The following ADAMTS17 variants were observed in gnomAD, a reference collection of about 807,000 sequenced individuals.
ADAMTS17 encodes the protein ADAM metallopeptidase with thrombospondin type 1 motif 17.
A neutral mutation model predicts 141.5 loss-of-function variants in ADAMTS17; 113 were observed. The ratio of observed to expected loss-of-function variants is 0.80; its 90% confidence interval spans 0.69 to 0.93. The LOEUF is 0.93. Among genes scored for constraint, ADAMTS17 ranks in the 40% least tolerant of loss-of-function variants. The pLI is 0.00. For missense variants in ADAMTS17, 1,659 were observed against 1,517.9 expected, an observed-to-expected ratio of 1.09 and a Z score of -1.54; for synonymous variants, 768 against 630.6, an observed-to-expected ratio of 1.22 and a Z score of -3.27.
intron 4 of ADAMTS17, among the ~76,000 whole-genome samples, chr15:100,275,457 G>C (rs1421696186): frequency 1.3e-5 from 2 of 152,222 alleles, no homozygotes. Flanking sequence ...TGAGAAGCCT[G>C]GCAAAGAAGC....
intron 3 of ADAMTS17, among the ~76,000 whole-genome samples, chr15:100,310,646 G>C (rs538398740): frequency 2.0e-5 from 3 of 152,300 alleles, no homozygotes; most frequent in Admixed American, 1.3e-4. Flanking sequence ...CTGGTCCCAG[G>C]TTGCATCCAC....
At chr15:100,012,755 A>G (rs1156518581) in intron 18 of ADAMTS17, among the ~76,000 whole-genome samples, 1 of 152,170 alleles carries the variant, frequency 6.6e-6, no homozygotes, top group African/African-American at 2.4e-5. Context: ...GCCTATTTTT[A>G]TACCAGTACC....
intron 7 of ADAMTS17, among the ~76,000 whole-genome samples, chr15:100,248,971 G>T (rs966362919): frequency 1.3e-5 from 2 of 152,058 alleles, no homozygotes; most frequent in Non-Finnish European, 2.9e-5. Context: ...GCTAATTTTT[G>T]TATTTTTAGT....
intron 8 of ADAMTS17, among the ~76,000 whole-genome samples, chr15:100,177,389 G>A (rs1428592364): frequency 6.6e-6 from 1 of 152,088 alleles, no homozygotes; most frequent in African/African-American, 2.4e-5. Context: ...TTCCAATGAA[G>A]TTTCTTCTCT....
intron 8 of ADAMTS17, among the ~76,000 whole-genome samples, chr15:100,162,430 T>TTA (rs893262541): frequency 2.1e-5 from 3 of 144,474 alleles, no homozygotes; most frequent in Non-Finnish European, 4.5e-5. Flanking sequence ...AACTATATAG[T>TTA]TATATATACA....
At chr15:100,148,092 A>C (rs994093164) in intron 10 of ADAMTS17, among the ~76,000 whole-genome samples, 6 of 152,226 alleles carry the variant, frequency 3.9e-5, no homozygotes, top group African/African-American at 1.4e-4. Flanking sequence ...TCTTGAGTAC[A>C]CTGGGCCACC....
chr15:100,285,814 A>G (rs1428219859), intron 3 of ADAMTS17, among the ~76,000 whole-genome samples: 2 of 152,116 alleles, frequency 1.3e-5, no homozygotes, highest in Non-Finnish European at 2.9e-5. Context: ...GAGCATGGCC[A>G]TGGATGCCCA....
chr15:100,197,573 T>C (rs757551664), intron 8 of ADAMTS17, among the ~76,000 whole-genome samples: 114 of 152,288 alleles, frequency 7.5e-4, no homozygotes, highest in Admixed American at 2.9e-3. Context: ...GTGCAAAGAA[T>C]TGTCGCCAGT....
intron 8 of ADAMTS17, among the ~76,000 whole-genome samples, chr15:100,166,893 A>G (rs112366421): frequency 0.012 from 1,883 of 152,350 alleles, 36 homozygotes; most frequent in African/African-American, 0.042. Context: ...AGTGAGTGAC[A>G]CACAGCCTCT....
intron 15 of ADAMTS17, among the ~76,000 whole-genome samples, chr15:100,090,758 A>T (rs757029117): frequency 1.1e-4 from 17 of 152,186 alleles, no homozygotes; most frequent in Admixed American, 2.0e-4. Flanking sequence ...CTGTAATTCC[A>T]GCACTTTGGG....
At chr15:100,281,499 T>A (rs1169702777) in intron 3 of ADAMTS17, 98 bp from the exon 4 acceptor site, 1 of 1,484,214 alleles carries the variant, frequency 6.7e-7, no homozygotes, top group Admixed American at 2.0e-5. Flanking sequence ...GAGAGAGTGG[T>A]CAGTCTCGAC....
intron 7 of ADAMTS17, among the ~76,000 whole-genome samples, chr15:100,250,134 T>A (rs539778530): frequency 6.6e-6 from 1 of 152,310 alleles, no homozygotes; most frequent in South Asian, 2.1e-4. Flanking sequence ...ATGATTTCAA[T>A]AAATACCAGA....
At chr15:100,329,499 C>G (rs1175148478) in intron 3 of ADAMTS17, among the ~76,000 whole-genome samples, 1 of 147,816 alleles carries the variant, frequency 6.8e-6, no homozygotes, top group Non-Finnish European at 1.5e-5. Context: ...GCACTCCAGC[C>G]TGGGTGACAG....
chr15:100,047,049 G>A (rs994849237), intron 18 of ADAMTS17, among the ~76,000 whole-genome samples: 3 of 151,988 alleles, frequency 2.0e-5, no homozygotes, highest in African/African-American at 7.3e-5. Context: ...GAAAGAGAAT[G>A]AGCCCCTGAG....
At chr15:100,297,083 C>T (rs181445113) in intron 3 of ADAMTS17, among the ~76,000 whole-genome samples, 11 of 152,134 alleles carry the variant, frequency 7.2e-5, no homozygotes, top group Non-Finnish European at 1.3e-4. Flanking sequence ...GATGCAAGGG[C>T]CAAGGTTGGA....
intron 15 of ADAMTS17, chr15:100,063,815 G>A (rs61344232): frequency 0.17 from 203,536 of 1,217,894 alleles, 20,191 homozygotes; most frequent in East Asian, 0.5. Context: ...ACCAGAGGCC[G>A]TGCAGCATCC....
At chr15:100,228,799 G>A (rs557543650) in intron 7 of ADAMTS17, among the ~76,000 whole-genome samples, 100 of 152,338 alleles carry the variant, frequency 6.6e-4, no homozygotes, top group African/African-American at 2.4e-3. Flanking sequence ...TCTGGGGGAA[G>A]GAGCTGGCCT....
At chr15:100,245,231 A>G (rs1389335145) in intron 7 of ADAMTS17, among the ~76,000 whole-genome samples, 1 of 152,194 alleles carries the variant, frequency 6.6e-6, no homozygotes, top group African/African-American at 2.4e-5. Flanking sequence ...CCTGGAAGGG[A>G]GGTCTGTTTC....
chr15:100,238,130 T>G (rs757786492), intron 7 of ADAMTS17, among the ~76,000 whole-genome samples: 3 of 152,208 alleles, frequency 2.0e-5, no homozygotes. Flanking sequence ...TTAATAGTGT[T>G]GGCATAGGCA....
Sources: gnomAD v4.1 joint callset for allele counts (sites outside exome capture counted in the v4.1 genomes callset) on GRCh38, gnomAD v4.1.1 for gene constraint, MANE v1.5 for transcripts, NCBI Gene and HGNC (gene_info 2026-07-23, HGNC 2026-07-21) for gene names.